Variants in ADGRL4 observed in about 807,000 individuals in gnomAD.
ADGRL4 encodes EGF, latrophilin and seven transmembrane domain containing 1.
Under a neutral mutation model 74.8 loss-of-function variants are expected in ADGRL4, and 90 were observed. The ratio of observed to expected loss-of-function variants is 1.20; its 90% CI spans 1.02 to 1.43. ADGRL4 has a LOEUF of 1.43. Among genes scored for constraint, ADGRL4 ranks in the 40% most tolerant of loss-of-function variants. The probability of loss-of-function intolerance (pLI) is 0.00; values close to 1 mark genes in which losing one functional copy is unlikely to be tolerated. For synonymous variants in ADGRL4, 311 were observed against 279.2 expected (o/e 1.11, Z -1.14); for missense variants, 881 against 814.3 (o/e 1.08, Z -1.00).
intron 2 of ADGRL4, among the ~76,000 whole-genome samples, chr1:78,968,273 T>C (rs1650095429): frequency 6.6e-6 from 1 of 151,946 alleles, no homozygotes; most frequent in Non-Finnish European, 1.5e-5. Flanking sequence ...ATTTTAAAAA[T>C]AGTTATAGAA....
At chr1:78,942,265 T>G (rs922236760) in intron 3 of ADGRL4, among the ~76,000 whole-genome samples, 4 of 149,542 alleles carry the variant, frequency 2.7e-5, no homozygotes, top group Non-Finnish European at 4.4e-5. Flanking sequence ...GAAGGTGGAA[T>G]AGTGCCTAGG....
chr1:78,893,369 G>GAAA (rs1648330185), intron 12 of ADGRL4, among the ~76,000 whole-genome samples, 180 bp from the exon 13 acceptor site: 2 of 151,838 alleles, frequency 1.3e-5, no homozygotes, highest in South Asian at 2.1e-4. Context: ...ACCTGTTTAT[G>GAAA]AAACTTCTTC....
chr1:78,953,446 A>G (rs1294335539), intron 2 of ADGRL4, among the ~76,000 whole-genome samples: 1 of 152,242 alleles, frequency 6.6e-6, no homozygotes, highest in Non-Finnish European at 1.5e-5. Context: ...CACAAACGAA[A>G]AACTATTAGA....
intron 2 of ADGRL4, among the ~76,000 whole-genome samples, chr1:78,950,877 A>G (rs1256448615): frequency 1.3e-5 from 2 of 152,152 alleles, no homozygotes; most frequent in African/African-American, 2.4e-5. Context: ...CAGAGGAGGA[A>G]CATTCTTGCA....
At chr1:78,897,134 T>C (rs947693884) in intron 12 of ADGRL4, among the ~76,000 whole-genome samples, 3 of 152,156 alleles carry the variant, frequency 2.0e-5, no homozygotes, top group Non-Finnish European at 4.4e-5. Context: ...TTTTGTACAA[T>C]GCAAACTTTG....
chr1:78,903,358 A>G (rs936317043), intron 12 of ADGRL4, among the ~76,000 whole-genome samples: 2 of 152,180 alleles, frequency 1.3e-5, no homozygotes, highest in Admixed American at 6.6e-5. Context: ...TACAAACAAG[A>G]AAATGACAAA....
chr1:78,996,254 CT>C (rs1416317658), intron 2 of ADGRL4, among the ~76,000 whole-genome samples: 1 of 152,120 alleles, frequency 6.6e-6, no homozygotes, highest in South Asian at 2.1e-4. Flanking sequence ...CCCAAATGTC[CT>C]TTTGAAAAGT....
At chr1:78,960,265 C>T (rs1649923247) in intron 2 of ADGRL4, among the ~76,000 whole-genome samples, 1 of 151,364 alleles carries the variant, frequency 6.6e-6, no homozygotes, top group Non-Finnish European at 1.5e-5. Context: ...AAAACTAGTC[C>T]GATTTTAAAA....
At chr1:78,958,679 C>T (rs1649881719) in intron 2 of ADGRL4, among the ~76,000 whole-genome samples, 2 of 152,134 alleles carry the variant, frequency 1.3e-5, no homozygotes, top group Non-Finnish European at 2.9e-5. Context: ...GGTGAAAATG[C>T]TGTGAACACT....
At chr1:78,904,728 A>C (rs1302707789) in intron 12 of ADGRL4, among the ~76,000 whole-genome samples, 1 of 152,012 alleles carries the variant, frequency 6.6e-6, no homozygotes. Context: ...TCATACTTAC[A>C]AGAAGATTAA....
At chr1:78,952,301 G>T (rs1158651011) in intron 2 of ADGRL4, among the ~76,000 whole-genome samples, 1 of 138,084 alleles carries the variant, frequency 7.2e-6, no homozygotes, top group Non-Finnish European at 1.6e-5. Flanking sequence ...CAGGCCCTCT[G>T]TGTCAAAGGT....
intron 2 of ADGRL4, among the ~76,000 whole-genome samples, chr1:78,979,800 T>C (rs988429357): frequency 5.3e-5 from 8 of 151,930 alleles, no homozygotes; most frequent in East Asian, 1.9e-4. Context: ...AACTTAGGAA[T>C]AGAAAAGCAA....
At chr1:78,928,878 C>T (rs1570235145) in intron 7 of ADGRL4, among the ~76,000 whole-genome samples, 3 of 151,554 alleles carry the variant, frequency 2.0e-5, no homozygotes, top group Admixed American at 6.6e-5. Flanking sequence ...ACTGGGGTGA[C>T]AGGAGTTATG....
intron 2 of ADGRL4, among the ~76,000 whole-genome samples, chr1:78,971,186 C>A (rs1650159265): frequency 6.6e-6 from 1 of 152,142 alleles, no homozygotes; most frequent in African/African-American, 2.4e-5. Context: ...TGCTATTTTC[C>A]CCAAACAGCA....
At chr1:78,991,445 T>C (rs966975842) in intron 2 of ADGRL4, among the ~76,000 whole-genome samples, 2 of 152,012 alleles carry the variant, frequency 1.3e-5, no homozygotes, top group Non-Finnish European at 2.9e-5. Flanking sequence ...AGAGTTAATA[T>C]CGGTTAAATA....
intron 7 of ADGRL4, 119 bp downstream of exon 7, chr1:78,936,176 A>T: frequency 1.0e-6 from 1 of 992,984 alleles, no homozygotes; most frequent in Non-Finnish European, 1.5e-6. Context: ...TACTGTACAT[A>T]CATCAAATGT....
intron 12 of ADGRL4, among the ~76,000 whole-genome samples, chr1:78,912,864 A>G (rs1342388493): frequency 6.6e-6 from 1 of 152,008 alleles, no homozygotes; most frequent in Non-Finnish European, 1.5e-5. Context: ...ATGGAATGGA[A>G]GAAAATATTT....
chr1:78,895,964 G>A (rs1648388432), intron 12 of ADGRL4, among the ~76,000 whole-genome samples: 1 of 152,042 alleles, frequency 6.6e-6, no homozygotes, highest in South Asian at 2.1e-4. Flanking sequence ...ACAGGAGACT[G>A]CACCTTAAAT....
intron 2 of ADGRL4, among the ~76,000 whole-genome samples, chr1:78,998,362 CTTTTTTTTTTTTT>C (rs71078519): frequency 0.08 from 5,234 of 65,350 alleles, 177 homozygotes; most frequent in South Asian, 0.16. Flanking sequence ...TCCACTGATT[CTTTTTTTTTTTTT>C]TTTTTTTTTT....
Sources: allele counts gnomAD v4.1 joint callset (sites outside exome capture counted in the v4.1 genomes callset), GRCh38; gene constraint gnomAD v4.1.1; transcripts MANE v1.5; gene names NCBI Gene and HGNC (gene_info 2026-07-23, HGNC 2026-07-21).